CDK14: variants seen among roughly 807,000 people sequenced by gnomAD.
CDK14 encodes cyclin dependent kinase 14.
CDK14 carries 34 observed loss-of-function variants against 60.7 expected under a neutral mutation model. The ratio of observed to expected loss-of-function variants is 0.56; its 90% confidence interval spans 0.43 to 0.75. The LOEUF (loss-of-function observed/expected upper bound fraction) is 0.75, where lower values mean the gene tolerates loss of function less well. Among genes scored for constraint, CDK14 ranks in the 30% least tolerant of loss-of-function variants. The pLI, the probability that CDK14 is intolerant of heterozygous loss-of-function variation, is 0.00. For synonymous variants in CDK14, 197 were observed against 203.7 expected, an observed-to-expected ratio of 0.97 and a Z score of 0.28; for missense variants, 482 against 564.1, an observed-to-expected ratio of 0.85 and a Z score of 1.47.
intron 14 of CDK14, among the ~76,000 whole-genome samples, chr7:91,195,805 C>T (rs10264129): frequency 0.014 from 2,063 of 152,242 alleles, 47 homozygotes; most frequent in African/African-American, 0.046. Flanking sequence ...CCCAAAGCCT[C>T]CAACACCTCC....
intron 12 of CDK14, among the ~76,000 whole-genome samples, chr7:91,107,954 T>C (rs1208555714): frequency 6.6e-6 from 1 of 152,214 alleles, no homozygotes; most frequent in African/African-American, 2.4e-5. Context: ...CCTCAAGAGC[T>C]TGACAGAATT....
intron 14 of CDK14, among the ~76,000 whole-genome samples, chr7:91,165,455 G>A (rs1480423259): frequency 6.6e-6 from 1 of 151,534 alleles, no homozygotes; most frequent in African/African-American, 2.4e-5. Flanking sequence ...TTTAATCTCC[G>A]TGGGGCCTCT....
At chr7:90,908,420 T>C (rs1792782183) in intron 7 of CDK14, among the ~76,000 whole-genome samples, 1 of 152,120 alleles carries the variant, frequency 6.6e-6, no homozygotes, top group East Asian at 1.9e-4. Flanking sequence ...AAAACCCAGA[T>C]TGAAAAGGAA....
At chr7:90,833,767 C>T (rs1403424422) in intron 5 of CDK14, among the ~76,000 whole-genome samples, 1 of 152,158 alleles carries the variant, frequency 6.6e-6, no homozygotes, top group Non-Finnish European at 1.5e-5. Flanking sequence ...GCTTGTATCT[C>T]CCCTTCTACT....
At chr7:90,952,956 TTATA>T (rs780065806) in intron 8 of CDK14, among the ~76,000 whole-genome samples, 4 of 152,182 alleles carry the variant, frequency 2.6e-5, no homozygotes, top group Admixed American at 6.5e-5. Flanking sequence ...AAAAATGTAG[TTATA>T]TATATTTATA....
intron 12 of CDK14, among the ~76,000 whole-genome samples, chr7:91,091,707 AGG>A: frequency 7.7e-6 from 1 of 130,358 alleles, no homozygotes; most frequent in East Asian, 2.4e-4. Flanking sequence ...GGAAGGAAGG[AGG>A]GAGGGAAGGA....
intron 6 of CDK14, among the ~76,000 whole-genome samples, chr7:90,872,698 A>G (rs549794533): frequency 1.9e-4 from 13 of 67,600 alleles, no homozygotes; most frequent in Non-Finnish European, 3.1e-4. Flanking sequence ...TCTATATTCT[A>G]GTTTTATGTG....
intron 4 of CDK14, among the ~76,000 whole-genome samples, chr7:90,755,519 C>T (rs1003140923): frequency 6.6e-6 from 1 of 152,146 alleles, no homozygotes; most frequent in Non-Finnish European, 1.5e-5. Flanking sequence ...ACTATACTTA[C>T]TACCTGCATG....
chr7:90,959,510 A>C (rs1167744909), intron 9 of CDK14, among the ~76,000 whole-genome samples: 1 of 152,178 alleles, frequency 6.6e-6, no homozygotes, highest in African/African-American at 2.4e-5. Flanking sequence ...CAGCTGCAGC[A>C]AAGAGAAGTG....
At chr7:91,001,545 C>T (rs802384) in intron 10 of CDK14, among the ~76,000 whole-genome samples, 74,779 of 152,048 alleles carry the variant, frequency 0.49, 18,920 homozygotes, top group East Asian at 0.7. Flanking sequence ...AATAGTGGCT[C>T]CGTTTTTTAT....
At chr7:90,848,285 G>A (rs976143385) in intron 5 of CDK14, among the ~76,000 whole-genome samples, 1 of 151,992 alleles carries the variant, frequency 6.6e-6, no homozygotes, top group Admixed American at 6.6e-5. Flanking sequence ...TAGTAGAGGT[G>A]AGGTTTCACC....
chr7:90,791,266 T>C (rs1368814969), intron 5 of CDK14, among the ~76,000 whole-genome samples: 1 of 152,214 alleles, frequency 6.6e-6, no homozygotes, highest in East Asian at 1.9e-4. Context: ...CTTTGTTACC[T>C]GCATAGAAAG....
intron 12 of CDK14, among the ~76,000 whole-genome samples, chr7:91,110,241 G>A (rs1276162956): frequency 6.6e-6 from 1 of 152,054 alleles, no homozygotes; most frequent in Admixed American, 6.6e-5. Context: ...TAACAAATAT[G>A]TATTAACTAA....
intron 2 of CDK14, among the ~76,000 whole-genome samples, chr7:90,669,303 C>G (rs973910412): frequency 3.9e-5 from 6 of 152,234 alleles, no homozygotes; most frequent in Non-Finnish European, 8.8e-5. Context: ...TCTGTGCCCC[C>G]TCTATTTTTC....
At chr7:90,744,152 C>T (rs1039798299) in intron 3 of CDK14, among the ~76,000 whole-genome samples, 1 of 152,170 alleles carries the variant, frequency 6.6e-6, no homozygotes, top group African/African-American at 2.4e-5. Context: ...GCAGAGGACC[C>T]TGCGGCCTTC....
At chr7:91,068,805 AT>A (rs1798052466) in intron 11 of CDK14, among the ~76,000 whole-genome samples, 2 of 95,128 alleles carry the variant, frequency 2.1e-5, no homozygotes, top group African/African-American at 8.7e-5. Flanking sequence ...GATACCTTAT[AT>A]TAAAAAAAAA....
chr7:90,617,943 G>T (rs551777017), intron 2 of CDK14, among the ~76,000 whole-genome samples: 2 of 152,294 alleles, frequency 1.3e-5, no homozygotes, highest in South Asian at 4.1e-4. Flanking sequence ...GAAAACTGCT[G>T]TGTTTTAACT....
At chr7:90,860,525 CT>C (rs1240085824) in intron 5 of CDK14, among the ~76,000 whole-genome samples, 4,201 of 129,270 alleles carry the variant, frequency 0.032, 149 homozygotes, top group African/African-American at 0.11. Flanking sequence ...TGTCTCATTC[CT>C]TTTTTTTTTT....
intron 11 of CDK14, among the ~76,000 whole-genome samples, chr7:91,077,087 G>T (rs749160102): frequency 1.3e-5 from 2 of 152,200 alleles, no homozygotes; most frequent in Non-Finnish European, 1.5e-5. Context: ...AGACAGTGTG[G>T]TGATTCCTCA....
Sources: gnomAD v4.1 joint callset for allele counts (sites outside exome capture counted in the v4.1 genomes callset) on GRCh38, gnomAD v4.1.1 for gene constraint, MANE v1.5 for transcripts, NCBI Gene and HGNC (gene_info 2026-07-23, HGNC 2026-07-21) for gene names.